GPR158: variants seen among roughly 807,000 people sequenced by gnomAD.
GPR158 encodes the protein metabotropic glycine receptor.
GPR158 carries 30 observed loss-of-function variants against 78.2 expected under a neutral mutation model. The ratio of observed to expected loss-of-function variants is 0.38; its 90% CI spans 0.29 to 0.52. The LOEUF (loss-of-function observed/expected upper bound fraction) is 0.52, where lower values mean the gene tolerates loss of function less well. Among genes scored for constraint, GPR158 ranks in the 20% least tolerant of loss-of-function variants. GPR158 has a pLI of 0.83. For missense variants in GPR158, 1,463 were observed against 1,523.5 expected (o/e 0.96, Z 0.66); for synonymous variants, 581 against 591.1 (o/e 0.98, Z 0.25).
At chr10:25,285,066 T>TTGTGTG (rs149094801) in intron 2 of GPR158, among the ~76,000 whole-genome samples, 9,910 of 149,032 alleles carry the variant, frequency 0.066, 572 homozygotes, top group African/African-American at 0.15. Context: ...GTTCTATTCA[T>TTGTGTG]TGTGTGTGTG....
At chr10:25,188,730 C>A (rs1852725848) in intron 1 of GPR158, among the ~76,000 whole-genome samples, 1 of 152,272 alleles carries the variant, frequency 6.6e-6, no homozygotes, top group East Asian at 1.9e-4. Flanking sequence ...TGGGCAAGGA[C>A]TTCATGACTA....
At chr10:25,576,742 G>A (rs746990808) in intron 7 of GPR158, among the ~76,000 whole-genome samples, 1 of 152,106 alleles carries the variant, frequency 6.6e-6, no homozygotes, top group Non-Finnish European at 1.5e-5. Context: ...GGAATGAGAA[G>A]TATCAAAACT....
intron 2 of GPR158, among the ~76,000 whole-genome samples, chr10:25,254,711 T>C (rs1853868921): frequency 1.3e-5 from 2 of 152,202 alleles, no homozygotes; most frequent in Admixed American, 1.3e-4. Flanking sequence ...ATCTTGTTAT[T>C]TTTGTTAGAA....
intron 2 of GPR158, among the ~76,000 whole-genome samples, chr10:25,363,649 G>T (rs1855674862): frequency 6.6e-6 from 1 of 151,904 alleles, no homozygotes; most frequent in Non-Finnish European, 1.5e-5. Context: ...GATCCCTGGG[G>T]ACATGATCTG....
chr10:25,387,068 A>G (rs1576318), intron 2 of GPR158, among the ~76,000 whole-genome samples: 97,896 of 151,812 alleles, frequency 0.64, 32,520 homozygotes, highest in Non-Finnish European at 0.73. Context: ...TTAGAGGAAA[A>G]GTTTTCAGTT....
intron 2 of GPR158, among the ~76,000 whole-genome samples, chr10:25,366,279 G>T (rs1278604921): frequency 1.3e-5 from 2 of 151,484 alleles, no homozygotes; most frequent in Non-Finnish European, 3.0e-5. Context: ...AATAGGATGT[G>T]TTATTTTCAA....
chr10:25,256,797 C>T (rs1252147686), intron 2 of GPR158, among the ~76,000 whole-genome samples: 2 of 152,096 alleles, frequency 1.3e-5, no homozygotes, highest in African/African-American at 4.8e-5. Flanking sequence ...AGCAAATCTG[C>T]AGATGAAACA....
intron 4 of GPR158, among the ~76,000 whole-genome samples, chr10:25,455,713 G>GATATT (rs1835282091): frequency 1.3e-5 from 2 of 152,066 alleles, no homozygotes; most frequent in African/African-American, 2.4e-5. Context: ...GAATATATGA[G>GATATT]ACTCTAAAAT....
At chr10:25,197,150 A>G (rs527419400) in intron 1 of GPR158, among the ~76,000 whole-genome samples, 109 of 152,324 alleles carry the variant, frequency 7.2e-4, no homozygotes, top group Non-Finnish European at 1.1e-3. Context: ...TCACTATTTT[A>G]AACAAGAACG....
At chr10:25,288,028 C>T (rs139760140) in intron 2 of GPR158, among the ~76,000 whole-genome samples, 10 of 149,370 alleles carry the variant, frequency 6.7e-5, no homozygotes, top group African/African-American at 2.5e-4. Flanking sequence ...CTTATATCCA[C>T]ATTTCCATTA....
intron 2 of GPR158, among the ~76,000 whole-genome samples, chr10:25,294,536 C>T (rs1452783034): frequency 6.6e-6 from 1 of 152,014 alleles, no homozygotes; most frequent in Non-Finnish European, 1.5e-5. Flanking sequence ...AAAAAGGCTA[C>T]CTGACTATCA....
At chr10:25,287,493 A>T (rs1854369099) in intron 2 of GPR158, among the ~76,000 whole-genome samples, 1 of 152,146 alleles carries the variant, frequency 6.6e-6, no homozygotes, top group Non-Finnish European at 1.5e-5. Context: ...GTGAGCAGCA[A>T]GTCAGGACTG....
chr10:25,189,143 G>A (rs1163075043), intron 1 of GPR158, among the ~76,000 whole-genome samples: 1 of 152,162 alleles, frequency 6.6e-6, no homozygotes, highest in African/African-American at 2.4e-5. Context: ...AACAGGTGCT[G>A]GAGAGGATGT....
chr10:25,379,002 G>A (rs1834120317), intron 2 of GPR158, among the ~76,000 whole-genome samples: 1 of 152,010 alleles, frequency 6.6e-6, no homozygotes, highest in South Asian at 2.1e-4. Flanking sequence ...TGTTGCCCAG[G>A]CTGGTCTCAA....
rs142870499 is a variant in GPR158, at chr10:25,504,797, C to T, written c.1404+38078C>T. On this transcript the variant is annotated intron_variant, in intron 5 of 10. Transcript: ENST00000376351. ...ATCCTTTCATGGGAAAGTTTTCATTCTATCATGTTATCATGTGCACTGGAT... is the reference window on the plus strand; with the variant it reads ...ATCCTTTCATGGGAAAGTTTTCATTTTATCATGTTATCATGTGCACTGGAT... Among the ~76,000 whole-genome samples, 169 of 152,224 alleles carry T rather than the reference C, an allele frequency of 1.1e-3. 1 individual carries two copies. The highest frequency in any genetic ancestry group is 3.7e-3 in the Admixed American group (57 of 15,286).
chr10:25,355,035 C>CT (rs1183040467), intron 2 of GPR158, among the ~76,000 whole-genome samples: 1 of 151,984 alleles, frequency 6.6e-6, no homozygotes, highest in Non-Finnish European at 1.5e-5. Flanking sequence ...TTGGGGTAGT[C>CT]TTATTTGGAT....
chr10:25,565,256 C>A (rs923705631), intron 6 of GPR158, among the ~76,000 whole-genome samples: 42 of 152,134 alleles, frequency 2.8e-4, no homozygotes, highest in African/African-American at 9.7e-4. Flanking sequence ...CATCTCCCAA[C>A]TTCAGGAAGA....
At chr10:25,364,906 T>C (rs952135150) in intron 2 of GPR158, among the ~76,000 whole-genome samples, 13 of 151,788 alleles carry the variant, frequency 8.6e-5, no homozygotes, top group Admixed American at 3.3e-4. Context: ...CTTGAAAGAG[T>C]GTGTCCGCAC....
At chr10:25,285,956 T>C (rs1854345639) in intron 2 of GPR158, among the ~76,000 whole-genome samples, 1 of 152,208 alleles carries the variant, frequency 6.6e-6, no homozygotes, top group Admixed American at 6.5e-5. Flanking sequence ...TGGCATTCCA[T>C]TGTCTTCTGA....
Sources: gnomAD v4.1 joint callset for allele counts (sites outside exome capture counted in the v4.1 genomes callset) on GRCh38, gnomAD v4.1.1 for gene constraint, MANE v1.5 for transcripts, NCBI Gene and HGNC (gene_info 2026-07-23, HGNC 2026-07-21) for gene names.